The following RPS6KA1 variants were observed in gnomAD, a reference collection of about 807,000 sequenced individuals.
RPS6KA1 encodes ribosomal protein S6 kinase alpha-1.
In RPS6KA1, 48 loss-of-function variants were observed where a neutral mutation model predicts 91.3. That is an observed-to-expected ratio of 0.53 (90% CI 0.42 to 0.67). The LOEUF is 0.67. Among genes scored for constraint, RPS6KA1 ranks in the 30% least tolerant of loss-of-function variants. The pLI, the probability that RPS6KA1 is intolerant of heterozygous loss-of-function variation, is 0.00. For synonymous variants in RPS6KA1, 359 were observed against 384.7 expected (o/e 0.93, Z 0.78); for missense variants, 719 against 960.5 (o/e 0.75, Z 3.32).
chr1:26,553,522 C>T, intron 7 of RPS6KA1, 25 bp downstream of exon 7: 2 of 1,513,774 alleles, frequency 1.3e-6, no homozygotes, highest in Non-Finnish European at 1.8e-6. Context: ...CAGCCCCACC[C>T]CAGCCTCCCC....
intron 2 of RPS6KA1, among the ~76,000 whole-genome samples, chr1:26,538,506 GAGAC>G (rs2075922688): frequency 6.6e-6 from 1 of 152,204 alleles, no homozygotes; most frequent in South Asian, 2.1e-4. Context: ...GGTAGGAAGA[GAGAC>G]AGGGCTGGAG....
At chr1:26,549,496 G>A (rs1254303118) in intron 4 of RPS6KA1, among the ~76,000 whole-genome samples, 3 of 151,766 alleles carry the variant, frequency 2.0e-5, no homozygotes, top group African/African-American at 7.3e-5. Context: ...TTGAACCTGG[G>A]AGGCAAAGGT....
chr1:26,552,127 C>T lies in RPS6KA1; in HGVS notation c.468+404C>T, dbSNP rs542076911. Among the ~76,000 whole-genome samples the T allele has an allele frequency of 7.2e-5, 11 of 152,270 alleles. No homozygotes were observed. The South Asian group carries it at 8.3e-4, about 11-fold the overall frequency. The stretch of plus-strand genomic sequence containing the variant: ...ATTTGAGGCTGGGCGCAGCGGCTCA[C>T]GCCTGTTATCCCAGCACTTTGGGAG... On this transcript the variant is annotated intron_variant, in intron 6 of 21. Transcript: ENST00000374168.
chr1:26,543,146 C>T lies in RPS6KA1; in HGVS notation c.109-3721C>T, dbSNP rs41285443. On this transcript the variant is annotated intron_variant, in intron 2 of 21. Transcript: ENST00000374168. ...AAGAGTAACGGGGCCCTCTGGTCAC[C>T]GGCTTGAGCCCCACCATGCAGACCC... The T allele has an allele frequency of 1.3e-3, 2,033 of 1,535,432 alleles. 2 individuals are homozygous for T. Among genetic ancestry groups the T allele is most frequent in the Middle Eastern group, 8.5e-3 (51 of 5,986 alleles).
At position 26,529,774 on chromosome 1, in the gene RPS6KA1, C is replaced by CGCG. The variant is rs939548904; in HGVS notation, c.-133_-131dup. On this transcript the variant is annotated 5_prime_UTR_variant, in exon 1 of 22. Transcript: ENST00000374168. The surrounding 1 kb of genome is among the most constrained non-coding windows in gnomAD (Gnocchi z 4.2). Reference sequence around the variant, plus strand: ...ACGGAGGGAGCCGAAGTGCTAGTGCCGCGGCGGCGGCGGCGGACGGCCCAG... The same window carrying CGCG: ...ACGGAGGGAGCCGAAGTGCTAGTGCCGCGGCGGCGGCGGCGGCGGACGGCCCAG... 1.6e-4 allele frequency: 66 copies of CGCG among 405,692 alleles called. No individual in the cohort carries two copies. Among genetic ancestry groups the CGCG allele is most frequent in the African/African-American group, 3.2e-4 (15 of 46,290 alleles). 25.1% of individuals were successfully genotyped at this position (405,692 alleles called of 1,614,324 possible).
chr1:26,545,863 G>C (rs774697419), intron 2 of RPS6KA1: 1 of 1,542,140 alleles, frequency 6.5e-7, no homozygotes, highest in Non-Finnish European at 8.7e-7. Flanking sequence ...CCCGGACTCT[G>C]CCTGCTCCTG....
chr1:26,530,072 C>T (rs1261430857), intron 1 of RPS6KA1, 89 bp downstream of exon 1: 8 of 935,050 alleles, frequency 8.6e-6, no homozygotes, highest in Non-Finnish European at 1.1e-5. Context: ...CGCTGCAGTC[C>T]GGCGGGCGCC....
chr1:26,556,746 C>A, intron 12 of RPS6KA1, 28 bp downstream of exon 12: 1 of 1,612,608 alleles, frequency 6.2e-7, no homozygotes, highest in Non-Finnish European at 8.5e-7. Context: ...CACCAGGGCT[C>A]TGGCCAGGGC....
At chr1:26,539,190 G>A (rs1005797936) in intron 2 of RPS6KA1, among the ~76,000 whole-genome samples, 7 of 152,206 alleles carry the variant, frequency 4.6e-5, no homozygotes, top group South Asian at 2.1e-4. Flanking sequence ...ATTTCTCTCC[G>A]TAGCATGACG....
chr1:26,569,897 T>C (rs1570464119), intron 17 of RPS6KA1, among the ~76,000 whole-genome samples: 1 of 152,364 alleles, frequency 6.6e-6, no homozygotes, highest in South Asian at 2.1e-4. Flanking sequence ...AGATGATGGC[T>C]GTGCCTCCCA....
intron 17 of RPS6KA1, among the ~76,000 whole-genome samples, chr1:26,567,269 T>C (rs2076211010): frequency 6.6e-6 from 1 of 152,026 alleles, no homozygotes; most frequent in African/African-American, 2.4e-5. Flanking sequence ...CAAGCGATTC[T>C]CCCACCTCAG....
chr1:26,568,474 C>T (rs1398790256), intron 17 of RPS6KA1, among the ~76,000 whole-genome samples: 2 of 152,186 alleles, frequency 1.3e-5, no homozygotes, highest in Admixed American at 6.5e-5. Flanking sequence ...TTGAGCCGGG[C>T]GTGGTGGCTC....
At position 26,571,778 on chromosome 1, in the gene RPS6KA1, G is replaced by A. The variant is rs2076251183; in HGVS notation, c.1753-71G>A. 25 of 1,517,518 alleles carry A rather than the reference G, an allele frequency of 1.6e-5. No homozygotes were observed. Among genetic ancestry groups the A allele is most frequent in the East Asian group, 2.4e-5 (1 of 42,386 alleles). 94.0% of individuals were successfully genotyped at this position (1,517,518 alleles called of 1,614,324 possible). On this transcript the variant is annotated intron_variant, in intron 18 of 21. Transcript: ENST00000374168. The surrounding 1 kb of genome is among the most constrained non-coding windows in gnomAD (Gnocchi z 5.1). ...GACCCTTGTCCTGCCCTTGAGGGGAGTAGCAGGAAACATCTGTGGCGACTT... is the reference window on the plus strand; with the variant it reads ...GACCCTTGTCCTGCCCTTGAGGGGAATAGCAGGAAACATCTGTGGCGACTT...
At chr1:26,564,950 G>A (rs72879023) in intron 17 of RPS6KA1, among the ~76,000 whole-genome samples, 7,134 of 152,232 alleles carry the variant, frequency 0.047, 493 homozygotes, top group African/African-American at 0.15. Flanking sequence ...CAGTGTACCC[G>A]TGGGTCACCT....
In RPS6KA1 at chr1:26,529,823, G is replaced by C. The variant is rs2075854451; in HGVS notation, c.-98G>C. On this transcript the variant is annotated 5_prime_UTR_variant, in exon 1 of 22. Coordinates refer to ENST00000374168, the MANE Select transcript of RPS6KA1 (RefSeq NM_002953.4). The surrounding 1 kb of genome is among the most constrained non-coding windows in gnomAD (Gnocchi z 4.2). Reference sequence around the variant, plus strand: ...AGCCGGAGCGCGAGGGGCTCGGGGGGGCGCGGCGGTTCGGGTCGCAGAGCC... The same window carrying C: ...AGCCGGAGCGCGAGGGGCTCGGGGGCGCGCGGCGGTTCGGGTCGCAGAGCC... 2.2e-6 allele frequency: 2 copies of C among 920,814 alleles called. No individual in the cohort carries two copies. The highest frequency in any genetic ancestry group is 7.2e-5 in the South Asian group (2 of 27,836). The allele number at this position is 920,814 out of a possible 1,614,324, so 57.0% of individuals were successfully genotyped here.
Position 26,558,819 on chromosome 1 carries a change from T to TC in RPS6KA1, c.1104dup (p.Ser369GlnfsTer47), listed in dbSNP as rs745561139. On this transcript the variant is annotated frameshift_variant, in exon 14 of 22. Coordinates refer to ENST00000374168, the MANE Select transcript of RPS6KA1 (RefSeq NM_002953.4). LOFTEE classifies it high-confidence loss of function. This position sits in a 1 kb window ranked among gnomAD's most constrained non-coding sequence, Gnocchi z 4.0. ...TCCATCCGTACAGATTCCCCAGGCATCCCCCCCAGCGCTGGGGCCCATCAG... is the reference window on the plus strand; with the variant it reads ...TCCATCCGTACAGATTCCCCAGGCATCCCCCCCCAGCGCTGGGGCCCATCAG... The TC allele has an allele frequency of 6.2e-6, 10 of 1,607,072 alleles. No individual in the cohort carries two copies. Among genetic ancestry groups the TC allele is most frequent in the Non-Finnish European group, 4.3e-6 (5 of 1,174,876 alleles).
intron 13 of RPS6KA1, among the ~76,000 whole-genome samples, chr1:26,557,552 C>T (rs2076113578): frequency 6.6e-6 from 1 of 152,160 alleles, no homozygotes; most frequent in African/African-American, 2.4e-5. Flanking sequence ...ACTGCCCGGC[C>T]TCCGTGTACT....
At position 26,555,052 on chromosome 1, in the gene RPS6KA1, A is replaced by G. The variant is rs865785305; in HGVS notation, c.757-99A>G. On this transcript the variant is annotated intron_variant, in intron 9 of 21. Coordinates refer to ENST00000374168, the MANE Select transcript of RPS6KA1 (RefSeq NM_002953.4). The surrounding 1 kb of genome is among the most constrained non-coding windows in gnomAD (Gnocchi z 4.3). ...TCCAGGCTGACTTGGATGTATCAGC[A>G]AGAATCCTGGGACTGGGGCAGAGGG... 21 of 1,240,962 alleles carry G rather than the reference A, an allele frequency of 1.7e-5. No homozygotes were observed. The Middle Eastern group carries it at 4.0e-3, about 236-fold the overall frequency. The allele number at this position is 1,240,962 out of a possible 1,614,324, so 76.9% of individuals were successfully genotyped here.
chr1:26,542,196 C>T (rs1462873335), intron 2 of RPS6KA1, among the ~76,000 whole-genome samples: 1 of 152,194 alleles, frequency 6.6e-6, no homozygotes, highest in Non-Finnish European at 1.5e-5. Context: ...ACCTTCTTTG[C>T]ATCTGAGGGA....
Sources: gnomAD v4.1 joint callset for allele counts (sites outside exome capture counted in the v4.1 genomes callset) on GRCh38, gnomAD v4.1.1 for gene constraint, Gnocchi (gnomAD v3.1) non-coding constraint, MANE v1.5 for transcripts, NCBI Gene and HGNC (gene_info 2026-07-23, HGNC 2026-07-21) for gene names.